ODF2: variants seen among roughly 807,000 people sequenced by gnomAD.
ODF2 encodes outer dense fiber protein 2.
In ODF2, 47 loss-of-function variants were observed where a neutral mutation model predicts 110.2. The ratio of observed to expected loss-of-function variants is 0.43; its 90% CI spans 0.34 to 0.54. The LOEUF (loss-of-function observed/expected upper bound fraction) is 0.54, where lower values mean the gene tolerates loss of function less well. Among genes scored for constraint, ODF2 ranks in the 20% least tolerant of loss-of-function variants. The pLI, the probability that ODF2 is intolerant of heterozygous loss-of-function variation, is 0.03. For missense variants in ODF2, 812 were observed against 1,054.5 expected, an observed-to-expected ratio of 0.77 and a Z score of 3.19; for synonymous variants, 352 against 397.7, an observed-to-expected ratio of 0.89 and a Z score of 1.37.
At chr9:128,488,082 G>T in intron 14 of ODF2, 57 bp downstream of exon 14, 2 of 1,604,572 alleles carry the variant, frequency 1.2e-6, no homozygotes, top group Non-Finnish European at 1.7e-6. Context: ...AGCTGATGAG[G>T]GGTCTTGTCT....
intron 18 of ODF2, among the ~76,000 whole-genome samples, chr9:128,496,899 T>G (rs1383355341): frequency 6.6e-6 from 1 of 152,030 alleles, no homozygotes; most frequent in Non-Finnish European, 1.5e-5. Context: ...GGCTAATTTT[T>G]GTATTTTTTG....
chr9:128,457,389 G>A, exon 2 of ODF2: 4 of 1,613,148 alleles, frequency 2.5e-6, no homozygotes, highest in Non-Finnish European at 3.4e-6. Flanking sequence ...CCACCTTTGC[G>A]GCTTTGATGC....
chr9:128,495,553 A>C (rs150957743), intron 17 of ODF2, among the ~76,000 whole-genome samples: 6 of 152,370 alleles, frequency 3.9e-5, no homozygotes, highest in Non-Finnish European at 7.3e-5. Flanking sequence ...AGGCTTCTGC[A>C]TAAAACAGCC....
chr9:128,479,246 G>A (rs1321963180), intron 8 of ODF2, among the ~76,000 whole-genome samples: 1 of 152,056 alleles, frequency 6.6e-6, no homozygotes, highest in African/African-American at 2.4e-5. Context: ...AGGGAAAGAG[G>A]GTGAACAAGA....
intron 11 of ODF2, 52 bp from the exon 12 acceptor site, chr9:128,484,649 C>A: frequency 6.5e-7 from 1 of 1,540,450 alleles, no homozygotes; most frequent in East Asian, 2.4e-5. Flanking sequence ...TGCCTTCCCA[C>A]AACCTCCTTG....
intron 18 of ODF2, 65 bp from the exon 19 acceptor site, chr9:128,498,348 C>T: frequency 6.9e-7 from 1 of 1,441,674 alleles, no homozygotes; most frequent in Non-Finnish European, 9.1e-7. Flanking sequence ...GCTGGCAGCC[C>T]CCTGGCGGGG....
chr9:128,497,718 C>G (rs896035918), intron 18 of ODF2: 1 of 151,872 alleles, frequency 6.6e-6, no homozygotes, highest in Non-Finnish European at 1.5e-5. Context: ...TGCCTGACAT[C>G]CTAGGAGGCC....
At chr9:128,483,428 A>AAAATTT (rs1243147121) in intron 10 of ODF2, among the ~76,000 whole-genome samples, 1 of 151,848 alleles carries the variant, frequency 6.6e-6, no homozygotes, top group East Asian at 1.9e-4. Context: ...AATTAAAATT[A>AAAATTT]AAAAATCAGC....
intron 8 of ODF2, 32 bp from the exon 9 acceptor site, chr9:128,481,548 G>A: frequency 6.4e-7 from 1 of 1,554,710 alleles, no homozygotes; most frequent in Non-Finnish European, 8.9e-7. Context: ...ATTGCTTAAT[G>A]ACTTGACTTT....
intron 18 of ODF2, among the ~76,000 whole-genome samples, chr9:128,496,995 TG>T (rs1845663424): frequency 1.3e-5 from 2 of 152,168 alleles, no homozygotes; most frequent in Non-Finnish European, 2.9e-5. Context: ...CCTAGAGTGC[TG>T]GGAGTACAGG....
upstream of ODF2, chr9:128,455,401 A>G (rs1834567754): frequency 2.2e-6 from 1 of 463,602 alleles, no homozygotes; most frequent in South Asian, 3.5e-5. Context: ...AATACAAAAA[A>G]AAATTAGCCG....
chr9:128,487,309 G>A (rs1230000929), intron 13 of ODF2, among the ~76,000 whole-genome samples: 3 of 152,134 alleles, frequency 2.0e-5, no homozygotes, highest in Non-Finnish European at 4.4e-5. Context: ...GGAGGGGGAG[G>A]TATGGGAGAC....
chr9:128,496,232 T>TGA (rs1287820141), intron 18 of ODF2, 91 bp downstream of exon 18: 1 of 1,582,628 alleles, frequency 6.3e-7, no homozygotes, highest in African/African-American at 1.3e-5. Flanking sequence ...GCGGAAGTGT[T>TGA]GAGGGACTCG....
chr9:128,465,739 CAA>C (rs34262754), intron 4 of ODF2, among the ~76,000 whole-genome samples: 3,506 of 70,418 alleles, frequency 0.05, 135 homozygotes, highest in African/African-American at 0.15. Flanking sequence ...GACTCCGTCT[CAA>C]AAAAAAAAAA....
chr9:128,457,125 G>T, intron 1 of ODF2: 1 of 1,433,958 alleles, frequency 7.0e-7, no homozygotes, highest in Non-Finnish European at 9.2e-7. Context: ...TCGCGGTTCT[G>T]CCCCGTCCCC....
intron 20 of ODF2, 67 bp from the exon 21 acceptor site, chr9:128,500,000 C>T: frequency 6.4e-7 from 1 of 1,572,066 alleles, no homozygotes; most frequent in Non-Finnish European, 8.7e-7. Flanking sequence ...AAGAAAGTCC[C>T]TATGTCTCTA....
At chr9:128,499,632 C>CA in intron 20 of ODF2, among the ~76,000 whole-genome samples, 2 of 150,630 alleles carry the variant, frequency 1.3e-5, no homozygotes, top group Admixed American at 1.3e-4. Flanking sequence ...TTGTTTTAGA[C>CA]AGAGTTTCAT....
intron 14 of ODF2, 91 bp from the exon 15 acceptor site, chr9:128,492,335 T>G: frequency 1.1e-6 from 1 of 893,380 alleles, no homozygotes; most frequent in Non-Finnish European, 1.9e-6. Flanking sequence ...AGGGGGCCTT[T>G]CCTTTTCTGG....
In ODF2 at chr9:128,482,783, C is replaced by A. The variant is rs758729889; in HGVS notation, c.916-33C>A. 4 of 1,595,900 alleles carry A rather than the reference C, an allele frequency of 2.5e-6. No homozygotes were observed. The African/African-American group carries it at 5.4e-5, about 22-fold the overall frequency. ...CTGGGCCGGGCCTCTTTGCCCTTCCCAGGGGCACCTGACAGCCTGTGTTCT... is the reference window on the plus strand; with the variant it reads ...CTGGGCCGGGCCTCTTTGCCCTTCCAAGGGGCACCTGACAGCCTGTGTTCT... On this transcript the variant is annotated intron_variant, in intron 9 of 20. Coordinates refer to ENST00000604420, the Ensembl canonical transcript of ODF2.
Sources: gnomAD v4.1 joint callset for allele counts (sites outside exome capture counted in the v4.1 genomes callset) on GRCh38, gnomAD v4.1.1 for gene constraint, MANE v1.5 for transcripts, NCBI Gene and HGNC (gene_info 2026-07-23, HGNC 2026-07-21) for gene names.